The following KIF1B variants were observed in gnomAD, a reference collection of about 807,000 sequenced individuals.
KIF1B encodes the protein kinesin-like protein KIF1B.
KIF1B carries 76 observed loss-of-function variants against 241.9 expected under a neutral mutation model. That is an observed-to-expected ratio of 0.31 (90% CI 0.26 to 0.38). KIF1B has a LOEUF of 0.38. Ranked by LOEUF, KIF1B falls within the 10% of genes least tolerant of loss-of-function variation. KIF1B has a pLI of 1.00. For missense variants in KIF1B, 1,622 were observed against 2,271.4 expected (o/e 0.71, Z 5.81); for synonymous variants, 750 against 796.7 (o/e 0.94, Z 0.99).
rs755801140 is a variant in KIF1B at position 10,374,485 on chromosome 1, G to A, written c.5096+20G>A. On this transcript the variant is annotated intron_variant, in intron 46 of 48. Coordinates refer to ENST00000676179, the MANE Select transcript of KIF1B (RefSeq NM_001365951.3). This position sits in a 1 kb window ranked among gnomAD's most constrained non-coding sequence, Gnocchi z 4.3. ...ACCAAGGTGAGTACTATATTGAGCA[G>A]GAATGCCAGCTATAAAAAACAAATC... 6.2e-7 allele frequency: 1 copy of A among 1,613,858 alleles called. No homozygotes were observed. The highest frequency in any genetic ancestry group is 2.2e-5 in the East Asian group (1 of 44,880).
In KIF1B at chr1:10,256,315, C is replaced by T; in HGVS notation, c.175C>T (p.His59Tyr). ...CAGCTTCGACTATTCCTACTGGTCT[C>T]ATACCTCAGTGAGTACCCTCATGCC... The part of the protein sequence containing the change: ...SFSFDYSYWS[H>Y]TSPEDPCFAS... The change falls in exon 3 of 49, where the codon CAT becomes TAT. Residue 59 changes from histidine to tyrosine, a missense_variant. Physicochemically the swap from His to Tyr is moderately conservative, Grantham distance 83. Around this residue, in one of 7 missense-constraint regions of KIF1B, gnomAD observed 156 missense variants for 244.8 expected, o/e 0.64. Coordinates refer to ENST00000676179, the MANE Select transcript of KIF1B (RefSeq NM_001365951.3). 6.2e-7 allele frequency: 1 copy of T among 1,607,990 alleles called. No individual in the cohort carries two copies. The highest frequency in any genetic ancestry group is 8.5e-7 in the Non-Finnish European group (1 of 1,174,378).
rs1650674507 is a variant in KIF1B, at chr1:10,303,881, C to G, written c.2115+6635C>G. On this transcript the variant is annotated intron_variant, in intron 22 of 48. Coordinates refer to ENST00000676179, the MANE Select transcript of KIF1B (RefSeq NM_001365951.3). The surrounding 1 kb of genome is among the most constrained non-coding windows in gnomAD (Gnocchi z 5.2). ...AGTAAAGGAGACAATGGAGAACTTGCAAAAGAAGAACGTGTTTCCCAGCTG... is the reference window on the plus strand; with the variant it reads ...AGTAAAGGAGACAATGGAGAACTTGGAAAAGAAGAACGTGTTTCCCAGCTG... 2 of 1,614,074 alleles carry G rather than the reference C, an allele frequency of 1.2e-6. No individual in the cohort carries two copies. The highest frequency in any genetic ancestry group is 1.7e-5 in the Admixed American group (1 of 59,996).
chr1:10,306,579 T>C (rs1650836968), intron 22 of KIF1B: 12 of 476,154 alleles, frequency 2.5e-5, no homozygotes, highest in Non-Finnish European at 3.5e-5. Context: ...GGGTGTAAGT[T>C]TGGCATCAAT....
At chr1:10,238,332 G>T (rs1397838846) in intron 2 of KIF1B, among the ~76,000 whole-genome samples, 1 of 146,092 alleles carries the variant, frequency 6.8e-6, no homozygotes, top group Non-Finnish European at 1.5e-5. Context: ...AGTGAACTGA[G>T]ATGGAGCCGT....
chr1:10,275,557 G>T, intron 11 of KIF1B, 54 bp downstream of exon 11: 1 of 977,172 alleles, frequency 1.0e-6, no homozygotes. Flanking sequence ...ATTATCTTTT[G>T]TGGTTAATTG....
At chr1:10,375,786 G>GTTTTTTTTTTTTTTTTTTTTTTTTTTTT (rs201620952) in intron 48 of KIF1B, among the ~76,000 whole-genome samples, 2 of 69,590 alleles carry the variant, frequency 2.9e-5, no homozygotes, top group Non-Finnish European at 5.2e-5. Context: ...TTCTTTTCTT[G>GTTTTTTTTTTTTTTTTTTTTTTTTTTTT]TTTTTTTTTT....
Position 10,276,194 on chromosome 1 carries a change from TAAAAG to T in KIF1B, c.959-123_959-119del, listed in dbSNP as rs972691914. The T allele has an allele frequency of 5.4e-5, 41 of 753,550 alleles. No individual in the cohort carries two copies. In the Admixed American group the frequency reaches 7.2e-4, roughly 13 times the overall value. 46.7% of individuals were successfully genotyped at this position (753,550 alleles called of 1,614,324 possible). A position where few individuals can be genotyped will look rare whatever the true frequency, so the allele number is the denominator to read the frequency against. ...GTGAGACTCCCTCTCAAAAAAAAAA[TAAAAG>T]AAAGAAATTTGACATTACATTAAAT... On this transcript the variant is annotated intron_variant, in intron 11 of 48. Transcript: ENST00000676179.
intron 22 of KIF1B, chr1:10,308,065 G>A (rs1483286593): frequency 2.8e-6 from 3 of 1,058,558 alleles, no homozygotes; most frequent in East Asian, 5.2e-5. Context: ...ACCTATGTCT[G>A]CATTAAAGGC....
At chr1:10,261,484 T>C (rs531887396) in intron 4 of KIF1B, among the ~76,000 whole-genome samples, 3 of 152,286 alleles carry the variant, frequency 2.0e-5, no homozygotes, top group Admixed American at 2.0e-4. Flanking sequence ...CCTTGTGATC[T>C]GCCTGCCTCG....
At chr1:10,330,157 A>C (rs1651869546) in intron 27 of KIF1B, among the ~76,000 whole-genome samples, 1 of 152,212 alleles carries the variant, frequency 6.6e-6, no homozygotes, top group Non-Finnish European at 1.5e-5. Context: ...AAGTATAAGG[A>C]TTCTCAAAAA....
rs768941996 is a variant in KIF1B, at chr1:10,326,184, G to A, written c.2749G>A (p.Asp917Asn). ...RTPSPTFSTADSDITELADEQ... is the reference protein window; with the variant it reads ...RTPSPTFSTANSDITELADEQ... ...ACCCTCCCCCACTTTTTCCACGGCC[G>A]ATTCCGACATCACTGAGCTGGCTGA... Residue 917 changes from aspartate (D) to asparagine (N), a missense_variant, in exon 27 of 49, where the codon GAT becomes AAT. Asp to Asn is a conservative substitution (Grantham distance 23). Transcript: ENST00000676179. This position sits in a 1 kb window ranked among gnomAD's most constrained non-coding sequence, Gnocchi z 5.2. 19 of 1,613,992 alleles carry A rather than the reference G, an allele frequency of 1.2e-5. No individual in the cohort carries two copies. The highest frequency in any genetic ancestry group is 1.1e-4 in the South Asian group (10 of 91,086).
chr1:10,229,990 A>G (rs1646960001), intron 1 of KIF1B, among the ~76,000 whole-genome samples: 2 of 152,234 alleles, frequency 1.3e-5, no homozygotes, highest in East Asian at 1.9e-4. Context: ...ACTGGGCAAC[A>G]TAACAAGACT....
At chr1:10,357,568 GA>G (rs1054297847) in intron 38 of KIF1B, among the ~76,000 whole-genome samples, 2,825 of 147,052 alleles carry the variant, frequency 0.019, 96 homozygotes, top group African/African-American at 0.066. Context: ...TGTCTCTAAA[GA>G]AAAAAAAAAA....
At chr1:10,253,526 C>T (rs1192941545) in intron 2 of KIF1B, among the ~76,000 whole-genome samples, 2 of 152,002 alleles carry the variant, frequency 1.3e-5, no homozygotes, top group African/African-American at 4.8e-5. Context: ...ACCTGTGGTC[C>T]CATCTACTCC....
At chr1:10,369,526 C>T (rs1427537941) in intron 44 of KIF1B, among the ~76,000 whole-genome samples, 1 of 152,328 alleles carries the variant, frequency 6.6e-6, no homozygotes. Context: ...GTCCTAGCTA[C>T]TCAGGAGGCC....
chr1:10,337,664 A>G lies in KIF1B; in HGVS notation c.3422+131A>G. 9.7e-7 allele frequency: 1 copy of G among 1,036,214 alleles called. No individual in the cohort carries two copies. Among genetic ancestry groups the G allele is most frequent in the Non-Finnish European group, 1.4e-6 (1 of 691,002 alleles). The allele number at this position is 1,036,214 out of a possible 1,614,324, so 64.2% of individuals were successfully genotyped here. The stretch of plus-strand genomic sequence containing the variant: ...CAAAGACTGATCAGTCTCTGAAGGA[A>G]AATACTTTCATCACTCCTATGGGAG... On this transcript the variant is annotated intron_variant, in intron 31 of 48. Transcript: ENST00000676179. The surrounding 1 kb of genome is among the most constrained non-coding windows in gnomAD (Gnocchi z 4.0).
At chr1:10,321,052 G>GA (rs537241321) in intron 23 of KIF1B, among the ~76,000 whole-genome samples, 1,897 of 135,426 alleles carry the variant, frequency 0.014, 39 homozygotes, top group African/African-American at 0.045. Context: ...CTCTGTAACA[G>GA]AAAAAAAAAA....
chr1:10,377,427 G>A lies in KIF1B; in HGVS notation c.*840G>A, dbSNP rs955656773. ...GCCGTGGGCCGTGATGGCAGCAGGC[G>A]GTGGGATGCTTGTAGCTCCTCACAG... On this transcript the variant is annotated 3_prime_UTR_variant, in exon 49 of 49. Transcript: ENST00000676179. The A allele has an allele frequency of 1.8e-5, 4 of 227,098 alleles. No homozygotes were observed. The highest frequency in any genetic ancestry group is 8.9e-5 in the African/African-American group (4 of 44,944). The allele number at this position is 227,098 out of a possible 1,614,324, so 14.1% of individuals were successfully genotyped here. A position where few individuals can be genotyped will look rare whatever the true frequency, so the allele number is the denominator to read the frequency against.
At chr1:10,244,323 T>C (rs1032641935) in intron 2 of KIF1B, among the ~76,000 whole-genome samples, 21 of 149,498 alleles carry the variant, frequency 1.4e-4, no homozygotes, top group African/African-American at 5.1e-4. Context: ...TTCTTTTTTT[T>C]TTTTTTTTGA....
Sources: gnomAD v4.1 joint callset for allele counts (sites outside exome capture counted in the v4.1 genomes callset) on GRCh38, gnomAD v4.1.1 for gene constraint, gnomAD v4.1.1 regional missense constraint, Gnocchi (gnomAD v3.1) non-coding constraint, MANE v1.5 for transcripts, NCBI Gene and HGNC (gene_info 2026-07-23, HGNC 2026-07-21) for gene names.